SETD5: variants seen among roughly 807,000 people sequenced by gnomAD.
SETD5 encodes the protein histone-lysine N-methyltransferase SETD5.
Under a neutral mutation model 153.3 loss-of-function variants are expected in SETD5, and 44 were observed. That is an observed-to-expected ratio of 0.29 (90% CI 0.23 to 0.37). The LOEUF (loss-of-function observed/expected upper bound fraction) is 0.37, where lower values mean the gene tolerates loss of function less well. Ranked by LOEUF, SETD5 falls within the 10% of genes least tolerant of loss-of-function variation. The pLI is 1.00. For missense variants in SETD5, 1,544 were observed against 1,768.0 expected, an observed-to-expected ratio of 0.87 and a Z score of 2.27; for synonymous variants, 716 against 645.2, an observed-to-expected ratio of 1.11 and a Z score of -1.66.
rs2045930302 is a variant in SETD5 at position 9,477,718 on chromosome 3, G to A, written c.*1627G>A. 6.7e-6 allele frequency: 1 copy of A among 148,296 alleles called. No individual in the cohort carries two copies. Among genetic ancestry groups the A allele is most frequent in the South Asian group, 2.1e-4 (1 of 4,682 alleles). The allele number at this position is 148,296 out of a possible 1,614,324, so 9.2% of individuals were successfully genotyped here. A position where few individuals can be genotyped will look rare whatever the true frequency, so the allele number is the denominator to read the frequency against. ...TTTTTTTTTAAATGCTGAGACCTCA[G>A]CAGAGTACTTTTCTTTTTGTTGTTT... is the stretch of plus-strand genomic sequence containing the variant. On this transcript the variant is annotated 3_prime_UTR_variant, in exon 23 of 23. Coordinates refer to ENST00000402198, the MANE Select transcript of SETD5 (RefSeq NM_001080517.3).
intron 8 of SETD5, among the ~76,000 whole-genome samples, chr3:9,440,948 T>G (rs1251766059): frequency 6.6e-6 from 1 of 152,078 alleles, no homozygotes; most frequent in Non-Finnish European, 1.5e-5. Context: ...AGTGGCTCAC[T>G]CCTATAATAC....
intron 16 of SETD5, among the ~76,000 whole-genome samples, chr3:9,453,321 C>T (rs2042845330): frequency 6.6e-6 from 1 of 152,098 alleles, no homozygotes; most frequent in African/African-American, 2.4e-5. Flanking sequence ...GTCTCTAGCA[C>T]GGGGCAGACA....
chr3:9,417,233 A>G (rs1476288148), intron 1 of SETD5, among the ~76,000 whole-genome samples: 1 of 152,184 alleles, frequency 6.6e-6, no homozygotes, highest in Non-Finnish European at 1.5e-5. Context: ...ATATAATGCT[A>G]CCTTGAAATC....
chr3:9,470,361 CT>C (rs1453648264), intron 18 of SETD5, 97 bp from the exon 19 acceptor site: 4 of 879,896 alleles, frequency 4.5e-6, no homozygotes, highest in Non-Finnish European at 5.5e-6. Context: ...TCCCTCTTAT[CT>C]TTCCCTGTTC....
chr3:9,447,561 A>G, intron 14 of SETD5, 125 bp from the exon 15 acceptor site: 1 of 1,177,046 alleles, frequency 8.5e-7, no homozygotes, highest in Non-Finnish European at 1.2e-6. Flanking sequence ...TTAGATTTTA[A>G]ATTAGTGTTT....
At chr3:9,433,011 C>G (rs1321371706) in intron 3 of SETD5, among the ~76,000 whole-genome samples, 1 of 152,182 alleles carries the variant, frequency 6.6e-6, no homozygotes, top group Non-Finnish European at 1.5e-5. Context: ...GTCATGTAAT[C>G]TCACCACCAC....
chr3:9,470,906 C>G lies in SETD5; in HGVS notation c.3172C>G (p.Gln1058Glu). 6.3e-7 allele frequency: 1 copy of G among 1,594,244 alleles called. No homozygotes were observed. Among genetic ancestry groups the G allele is most frequent in the Non-Finnish European group, 8.6e-7 (1 of 1,168,180 alleles). ...RACEGVPSAP[Q>E]NPPQRKKVSL... ...CTGTGAAGGAGTCCCATCTGCCCCC[C>G]AGAACCCACCACAGAGGAAAAAAGT... The change falls in exon 19 of 23, where the codon CAG becomes GAG. Residue 1058 changes from glutamine (Q) to glutamate (E), a missense_variant. By Grantham distance (29) the Gln-to-Glu change is conservative. This residue lies in a region of SETD5 where 782 missense variants were observed against 787.2 expected (regional missense o/e 0.99). Transcript: ENST00000402198.
intron 17 of SETD5, among the ~76,000 whole-genome samples, chr3:9,459,057 T>C (rs1189675426): frequency 6.6e-6 from 1 of 152,136 alleles, no homozygotes; most frequent in Non-Finnish European, 1.5e-5. Context: ...TTGGAAAATA[T>C]TTTCTGCATC....
At chr3:9,431,724 C>G in intron 3 of SETD5, 1 of 985,694 alleles carries the variant, frequency 1.0e-6, no homozygotes, top group Non-Finnish European at 1.2e-6. Context: ...ACATGAAGTG[C>G]ATATGTTCAT....
rs779084293 is a variant in SETD5, at chr3:9,470,711, A to G, written c.2977A>G (p.Met993Val). Residue 993 changes from methionine (M) to valine (V), a missense_variant, in exon 19 of 23, where the codon ATG becomes GTG. Around this residue, in one of 9 missense-constraint regions of SETD5, gnomAD observed 782 missense variants for 787.2 expected, o/e 0.99. Coordinates refer to ENST00000402198, the MANE Select transcript of SETD5 (RefSeq NM_001080517.3). ...LMYAYSPLNA[M>V]PRADGLYRGS... ...GTATGCCTACTCCCCTTTGAATGCT[A>G]TGCCTCGAGCAGATGGACTGTATCG... is the stretch of plus-strand genomic sequence containing the variant. The G allele has an allele frequency of 9.7e-5, 156 of 1,613,908 alleles. 1 individual carries two copies. The highest frequency in any genetic ancestry group is 5.5e-4 in the South Asian group (50 of 91,088).
At chr3:9,474,375 C>T in intron 20 of SETD5, 74 bp from the exon 21 acceptor site, 1 of 1,517,658 alleles carries the variant, frequency 6.6e-7, no homozygotes, top group African/African-American at 1.4e-5. Flanking sequence ...AGAAAATACA[C>T]TGTGCACTGG....
chr3:9,417,641 A>G (rs1335345779), intron 1 of SETD5, among the ~76,000 whole-genome samples: 1 of 150,750 alleles, frequency 6.6e-6, no homozygotes, highest in East Asian at 2.0e-4. Flanking sequence ...GCCCACCACC[A>G]TGCCCAGCTA....
chr3:9,449,743 A>G (rs1396028519), intron 16 of SETD5, among the ~76,000 whole-genome samples: 1 of 152,232 alleles, frequency 6.6e-6, no homozygotes, highest in African/African-American at 2.4e-5. Flanking sequence ...GCAAAAAGGA[A>G]GGACACTACT....
intron 17 of SETD5, among the ~76,000 whole-genome samples, chr3:9,457,276 C>G (rs1182102401): frequency 5.9e-5 from 9 of 152,166 alleles, no homozygotes; most frequent in Non-Finnish European, 1.2e-4. Context: ...ATCACAAGGT[C>G]AGGAGATCGA....
At chr3:9,429,906 G>A in intron 3 of SETD5, 1 of 1,303,684 alleles carries the variant, frequency 7.7e-7, no homozygotes. Flanking sequence ...AGAGACCCAA[G>A]GGGCCTAGGG....
At position 9,435,739 on chromosome 3, in the gene SETD5, AGT is replaced by A; in HGVS notation, c.402_403del (p.Ala135AsnfsTer6). The A allele has an allele frequency of 1.3e-6, 2 of 1,595,006 alleles. No homozygotes were observed. The highest frequency in any genetic ancestry group is 8.5e-7 in the Non-Finnish European group (1 of 1,172,330). The part of the protein sequence containing the change: ...KQDNISGGDS[S>X]ATESWDEELS... ...TCATCATTTTTCAGGTGGGGATAGC[AGT>A]GCAACAGAAAGCTGGGATGAGGAGC... On this transcript the variant is annotated frameshift_variant, in exon 7 of 23. Transcript: ENST00000402198. LOFTEE classifies it high-confidence loss of function.
intron 14 of SETD5, 53 bp downstream of exon 14, chr3:9,447,360 A>C: frequency 6.4e-7 from 1 of 1,556,402 alleles, no homozygotes; most frequent in Non-Finnish European, 8.6e-7. Flanking sequence ...TGCTAATGTC[A>C]ATACCTAACT....
intron 18 of SETD5, among the ~76,000 whole-genome samples, chr3:9,465,756 T>C (rs941079676): frequency 6.6e-6 from 1 of 152,208 alleles, no homozygotes; most frequent in African/African-American, 2.4e-5. Context: ...TACATATCAG[T>C]TATCTAGGGA....
In SETD5 at chr3:9,473,341, C is replaced by G. The variant is rs1304648449; in HGVS notation, c.3301C>G (p.Gln1101Glu). The G allele has an allele frequency of 9.9e-6, 16 of 1,613,818 alleles. No homozygotes were observed. Among genetic ancestry groups the G allele is most frequent in the Non-Finnish European group, 1.4e-5 (16 of 1,179,900 alleles). Residue 1101 changes from glutamine (Q) to glutamate (E), a missense_variant, in exon 20 of 23, where the codon CAA (glutamine) becomes GAA (glutamate). Physicochemically the swap from Gln to Glu is conservative, Grantham distance 29 (BLOSUM62 2). Coordinates refer to ENST00000402198, the MANE Select transcript of SETD5 (RefSeq NM_001080517.3). The stretch of plus-strand genomic sequence containing the variant: ...CAAAAGCAAGTCTGCAGGAGCTGGG[C>G]AAGGCAGCAGTAACTCCGTTTCCGA... The part of the protein sequence containing the change: ...QSKSKSAGAG[Q>E]GSSNSVSDTG...
Sources: allele counts gnomAD v4.1 joint callset (sites outside exome capture counted in the v4.1 genomes callset), GRCh38; gene constraint gnomAD v4.1.1; regional missense constraint gnomAD v4.1.1; transcripts MANE v1.5; gene names NCBI Gene and HGNC (gene_info 2026-07-23, HGNC 2026-07-21).